Variants in TBC1D5 observed in about 807,000 individuals in gnomAD.
TBC1D5 encodes TBC1 domain family, member 5.
TBC1D5 carries 75 observed loss-of-function variants against 100.3 expected under a neutral mutation model. The observed-to-expected ratio is 0.75, with a 90% CI of 0.62 to 0.91. The LOEUF (loss-of-function observed/expected upper bound fraction) is 0.91. Among genes scored for constraint, TBC1D5 ranks in the 40% least tolerant of loss-of-function variants. The pLI, the probability that TBC1D5 is intolerant of heterozygous loss-of-function variation, is 0.00. For synonymous variants in TBC1D5, 323 were observed against 325.6 expected (o/e 0.99, Z 0.09); for missense variants, 910 against 942.4 (o/e 0.97, Z 0.45).
intron 2 of TBC1D5, among the ~76,000 whole-genome samples, chr3:17,532,897 TAATGGGTGCAGCCC>T (rs1445978610): frequency 6.6e-6 from 1 of 151,770 alleles, no homozygotes; most frequent in East Asian, 1.9e-4. Context: ...AATGAGGAGT[TAATGGGTGCAGCCC>T]ACCAACATGG....
At chr3:17,591,022 G>A (rs1442663121) in intron 2 of TBC1D5, among the ~76,000 whole-genome samples, 4 of 151,802 alleles carry the variant, frequency 2.6e-5, no homozygotes. Context: ...GGCAGATCAC[G>A]AGGTCAGGAG....
intron 3 of TBC1D5, among the ~76,000 whole-genome samples, chr3:17,477,667 C>T (rs1023622090): frequency 6.6e-6 from 1 of 151,956 alleles, no homozygotes; most frequent in Non-Finnish European, 1.5e-5. Context: ...TTCATACATA[C>T]TTAATGGCTA....
At chr3:17,727,546 A>C (rs146316860) in intron 1 of TBC1D5, among the ~76,000 whole-genome samples, 9 of 152,350 alleles carry the variant, frequency 5.9e-5, no homozygotes, top group African/African-American at 1.4e-4. Flanking sequence ...AAATAACCCA[A>C]ACGTTTATTA....
At chr3:17,573,120 A>G (rs2096637484) in intron 2 of TBC1D5, among the ~76,000 whole-genome samples, 1 of 152,036 alleles carries the variant, frequency 6.6e-6, no homozygotes, top group Non-Finnish European at 1.5e-5. Flanking sequence ...GGATGTCCAA[A>G]CAGAAGTCAT....
At chr3:17,662,894 A>G (rs1342897112) in intron 1 of TBC1D5, 1 of 152,108 alleles carries the variant, frequency 6.6e-6, no homozygotes, top group East Asian at 1.9e-4. Context: ...ACATACATAT[A>G]CTTGTATGTG....
chr3:17,457,790 A>C (rs545283077), intron 3 of TBC1D5, among the ~76,000 whole-genome samples: 1 of 152,284 alleles, frequency 6.6e-6, no homozygotes, highest in South Asian at 2.1e-4. Context: ...TAAAGACTAA[A>C]ACAGTTTTCA....
intron 13 of TBC1D5, among the ~76,000 whole-genome samples, chr3:17,339,596 G>C (rs1186476853): frequency 6.6e-6 from 1 of 152,180 alleles, no homozygotes; most frequent in Non-Finnish European, 1.5e-5. Context: ...CCCATGGTCA[G>C]TAATTAAGAG....
chr3:17,380,468 C>T (rs1375869235), intron 9 of TBC1D5, among the ~76,000 whole-genome samples: 1 of 151,672 alleles, frequency 6.6e-6, no homozygotes, highest in Non-Finnish European at 1.5e-5. Flanking sequence ...AAGAGAAATA[C>T]CAGAAATAAT....
At chr3:17,599,656 C>T (rs545449181) in intron 2 of TBC1D5, among the ~76,000 whole-genome samples, 1 of 152,136 alleles carries the variant, frequency 6.6e-6, no homozygotes, top group African/African-American at 2.4e-5. Flanking sequence ...ATGGCAACTG[C>T]AAAGACAGTA....
At chr3:17,406,304 G>C in intron 5 of TBC1D5, 114 bp downstream of exon 5, 2 of 823,278 alleles carry the variant, frequency 2.4e-6, no homozygotes, top group Non-Finnish European at 3.8e-6. Context: ...AAAATAATGG[G>C]AGTGAAGTCT....
chr3:17,496,328 T>G (rs1338514293), intron 3 of TBC1D5, among the ~76,000 whole-genome samples: 4 of 152,158 alleles, frequency 2.6e-5, no homozygotes, highest in Admixed American at 1.3e-4. Context: ...TGAAGAGCAT[T>G]AAACACATTG....
chr3:17,713,242 TTC>T (rs2074920071), intron 1 of TBC1D5, among the ~76,000 whole-genome samples: 1 of 151,298 alleles, frequency 6.6e-6, no homozygotes, highest in South Asian at 2.1e-4. Flanking sequence ...TTCTTTTCTT[TTC>T]TTTTTTTTTT....
chr3:17,291,176 A>T (rs2081696725), intron 15 of TBC1D5, among the ~76,000 whole-genome samples: 1 of 152,230 alleles, frequency 6.6e-6, no homozygotes, highest in Non-Finnish European at 1.5e-5. Context: ...TCGTGTTTGA[A>T]GCTTTCTCTC....
At chr3:17,697,965 GCCC>G (rs1389431375) in intron 1 of TBC1D5, among the ~76,000 whole-genome samples, 1 of 149,986 alleles carries the variant, frequency 6.7e-6, no homozygotes, top group Non-Finnish European at 1.5e-5. Flanking sequence ...TGGCCATACT[GCCC>G]AAGGTAATTT....
intron 4 of TBC1D5, among the ~76,000 whole-genome samples, chr3:17,413,123 A>C (rs2093980904): frequency 6.6e-6 from 1 of 152,150 alleles, no homozygotes; most frequent in Non-Finnish European, 1.5e-5. Context: ...CATTAGTGCC[A>C]CCTAGTGGCA....
Position 17,690,015 on chromosome 3 carries a change from T to C in TBC1D5, c.-101+49328A>G, listed in dbSNP as rs75108206. On this transcript the variant is annotated intron_variant, in intron 1 of 21. Transcript: ENST00000253692. ...GTATAAAAGGATATGAATAAAAGAA[T>C]TGTTGCTATAATACATGATGCTTTA... Among the ~76,000 whole-genome samples the C allele has an allele frequency of 1.4e-4, 21 of 152,218 alleles. 1 individual carries two copies. The East Asian group carries it at 4.0e-3, about 29-fold the overall frequency.
At chr3:17,580,251 CATAA>C (rs2096685045) in intron 2 of TBC1D5, among the ~76,000 whole-genome samples, 1 of 152,062 alleles carries the variant, frequency 6.6e-6, no homozygotes, top group Admixed American at 6.6e-5. Context: ...GCATATAATT[CATAA>C]ATGCCTACTG....
At position 17,419,778 on chromosome 3, in the gene TBC1D5, T is replaced by G. The variant is rs577742530; in HGVS notation, c.167+8672A>C. ...GCAGCCTCAACCTCCCAGGCTCAAGTGATTGTCCCACCTGAGCCTCCTGAA... is the reference window on the plus strand; with the variant it reads ...GCAGCCTCAACCTCCCAGGCTCAAGGGATTGTCCCACCTGAGCCTCCTGAA... On this transcript the variant is annotated intron_variant, in intron 4 of 21. Transcript: ENST00000253692. Among the ~76,000 whole-genome samples, 7 of 152,186 alleles carry G rather than the reference T, an allele frequency of 4.6e-5. No individual in the cohort carries two copies. In the East Asian group the frequency reaches 1.4e-3, roughly 29 times the overall value.
intron 8 of TBC1D5, among the ~76,000 whole-genome samples, chr3:17,395,683 A>G (rs1373002796): frequency 6.6e-6 from 1 of 152,184 alleles, no homozygotes; most frequent in Non-Finnish European, 1.5e-5. Flanking sequence ...TCAGCATTTC[A>G]GAGGGTACCC....
Sources: allele counts gnomAD v4.1 joint callset (sites outside exome capture counted in the v4.1 genomes callset), GRCh38; gene constraint gnomAD v4.1.1; transcripts MANE v1.5; gene names NCBI Gene and HGNC (gene_info 2026-07-23, HGNC 2026-07-21).